BICC1: variants seen among roughly 807,000 people sequenced by gnomAD.
BICC1 encodes the protein BicC family RNA binding protein 1.
In BICC1, 43 loss-of-function variants were observed where a neutral mutation model predicts 111.0. The observed-to-expected ratio is 0.39, with a 90% confidence interval of 0.30 to 0.50. BICC1 has a LOEUF of 0.50. Ranked by LOEUF, BICC1 falls within the 20% of genes least tolerant of loss-of-function variation. BICC1 has a pLI of 0.88. For missense variants in BICC1, 1,091 were observed against 1,203.2 expected (o/e 0.91, Z 1.38); for synonymous variants, 467 against 434.4 (o/e 1.07, Z -0.93).
intron 1 of BICC1, among the ~76,000 whole-genome samples, chr10:58,553,422 C>G (rs1439129771): frequency 6.6e-6 from 1 of 152,130 alleles, no homozygotes; most frequent in African/African-American, 2.4e-5. Flanking sequence ...TCGGCAGCCT[C>G]TAGAAGCTCC....
At chr10:58,595,911 C>G (rs1835815703) in intron 1 of BICC1, among the ~76,000 whole-genome samples, 1 of 152,082 alleles carries the variant, frequency 6.6e-6, no homozygotes, top group African/African-American at 2.4e-5. Flanking sequence ...TTTAAAAAAT[C>G]AGTGAATCCA....
chr10:58,772,631 T>C (rs1425264231), intron 3 of BICC1, among the ~76,000 whole-genome samples: 3 of 152,280 alleles, frequency 2.0e-5, no homozygotes, highest in African/African-American at 7.2e-5. Flanking sequence ...TCTTAGCCTT[T>C]CTGAAAATCA....
intron 2 of BICC1, among the ~76,000 whole-genome samples, chr10:58,631,514 A>G (rs1210731729): frequency 2.0e-5 from 3 of 152,064 alleles, no homozygotes; most frequent in African/African-American, 7.2e-5. Context: ...TGTGAAATCA[A>G]AATTATCAAG....
intron 3 of BICC1, among the ~76,000 whole-genome samples, chr10:58,723,513 G>C (rs1053521991): frequency 1.1e-4 from 17 of 152,208 alleles, no homozygotes; most frequent in African/African-American, 4.1e-4. Flanking sequence ...CAAAAGTGGA[G>C]AAAGCAGAGA....
At chr10:58,625,154 T>TG (rs1366737254) in intron 2 of BICC1, among the ~76,000 whole-genome samples, 12 of 152,342 alleles carry the variant, frequency 7.9e-5, no homozygotes, top group Non-Finnish European at 1.6e-4. Context: ...CCACTCCTGA[T>TG]GGCAGCTCTA....
At chr10:58,596,759 A>G (rs2132057426) in intron 1 of BICC1, among the ~76,000 whole-genome samples, 1 of 152,338 alleles carries the variant, frequency 6.6e-6, no homozygotes, top group Admixed American at 6.5e-5. Flanking sequence ...CCTATACACC[A>G]GTAACAGACA....
chr10:58,678,696 T>G (rs1839422414), intron 2 of BICC1, among the ~76,000 whole-genome samples: 1 of 152,190 alleles, frequency 6.6e-6, no homozygotes, highest in Admixed American at 6.5e-5. Flanking sequence ...CTAATAGACA[T>G]CTACAGAACT....
chr10:58,659,791 T>G (rs1838780888), intron 2 of BICC1, among the ~76,000 whole-genome samples: 1 of 152,112 alleles, frequency 6.6e-6, no homozygotes, highest in Non-Finnish European at 1.5e-5. Flanking sequence ...CAGAAAATAG[T>G]AGTTATTGGT....
chr10:58,609,367 C>G (rs1335717561), intron 1 of BICC1, among the ~76,000 whole-genome samples: 1 of 152,310 alleles, frequency 6.6e-6, no homozygotes, highest in Admixed American at 6.5e-5. Context: ...GTTTTCAGTT[C>G]CTCATAGCCT....
intron 1 of BICC1, among the ~76,000 whole-genome samples, chr10:58,572,219 A>T (rs1479672865): frequency 6.6e-6 from 1 of 151,990 alleles, no homozygotes; most frequent in Non-Finnish European, 1.5e-5. Flanking sequence ...TAGATGCTGG[A>T]TATTAGATCT....
chr10:58,684,616 G>T (rs1447375229), intron 2 of BICC1, among the ~76,000 whole-genome samples: 2 of 152,168 alleles, frequency 1.3e-5, no homozygotes, highest in Non-Finnish European at 2.9e-5. Flanking sequence ...GGGTGTATGT[G>T]TCAAGGAATT....
chr10:58,678,309 G>T (rs557719977), intron 2 of BICC1, among the ~76,000 whole-genome samples: 22 of 152,248 alleles, frequency 1.4e-4, no homozygotes, highest in African/African-American at 5.3e-4. Context: ...CCTGTCTCAC[G>T]TGCAAAGACA....
chr10:58,656,959 TAGG>T (rs1181096270), intron 2 of BICC1, among the ~76,000 whole-genome samples: 1 of 152,122 alleles, frequency 6.6e-6, no homozygotes, highest in East Asian at 1.9e-4. Context: ...GGACATCTAT[TAGG>T]AGATTGACAG....
At chr10:58,608,624 A>G (rs182787212) in intron 1 of BICC1, among the ~76,000 whole-genome samples, 2 of 152,298 alleles carry the variant, frequency 1.3e-5, no homozygotes, top group Admixed American at 6.5e-5. Context: ...TTATTACACA[A>G]CTATACGTCC....
chr10:58,667,064 C>T (rs940095527), intron 2 of BICC1, among the ~76,000 whole-genome samples: 14 of 151,994 alleles, frequency 9.2e-5, no homozygotes, highest in Non-Finnish European at 1.3e-4. Flanking sequence ...GAAAAAATTT[C>T]AATTTAGTGC....
chr10:58,570,190 A>G (rs917269108), intron 1 of BICC1, among the ~76,000 whole-genome samples: 2 of 152,216 alleles, frequency 1.3e-5, no homozygotes, highest in East Asian at 1.9e-4. Context: ...AGAGAGCATG[A>G]AAGTCAATGA....
At chr10:58,523,633 A>G (rs1842452669) in intron 1 of BICC1, among the ~76,000 whole-genome samples, 1 of 152,200 alleles carries the variant, frequency 6.6e-6, no homozygotes, top group Non-Finnish European at 1.5e-5. Context: ...ATTCCCTTTG[A>G]AAACTGGCAC....
intron 2 of BICC1, among the ~76,000 whole-genome samples, chr10:58,645,216 T>A (rs1337323208): frequency 6.6e-6 from 1 of 151,964 alleles, no homozygotes; most frequent in East Asian, 1.9e-4. Flanking sequence ...GAGACCATCC[T>A]GACTAACTCG....
intron 1 of BICC1, among the ~76,000 whole-genome samples, chr10:58,576,726 C>G (rs1469134158): frequency 6.6e-6 from 1 of 152,108 alleles, no homozygotes; most frequent in African/African-American, 2.4e-5. Flanking sequence ...AATACTGTTA[C>G]AAAAAAACCG....
Sources: allele counts gnomAD v4.1 joint callset (sites outside exome capture counted in the v4.1 genomes callset), GRCh38; gene constraint gnomAD v4.1.1; transcripts MANE v1.5; gene names NCBI Gene and HGNC (gene_info 2026-07-23, HGNC 2026-07-21).